ALMS1: variants seen among roughly 807,000 people sequenced by gnomAD.
ALMS1 encodes centrosome-associated protein ALMS1.
In ALMS1, 271 loss-of-function variants were observed where a neutral mutation model predicts 352.2. The ratio of observed to expected loss-of-function variants is 0.77; its 90% CI spans 0.70 to 0.85. ALMS1 has a LOEUF of 0.85. Ranked by LOEUF, ALMS1 falls within the 40% of genes least tolerant of loss-of-function variation. The pLI, the probability that ALMS1 is intolerant of heterozygous loss-of-function variation, is 0.00. For missense variants in ALMS1, 5,445 were observed against 4,870.7 expected (o/e 1.12, Z -3.51); for synonymous variants, 1,865 against 1,761.2 (o/e 1.06, Z -1.48).
Position 73,419,226 on chromosome 2 carries a change from C to CAA in ALMS1, c.555_556insAA (p.Asp186LysfsTer11). 1 of 1,613,928 alleles carries CAA rather than the reference C, an allele frequency of 6.2e-7. No homozygotes were observed. Among genetic ancestry groups the CAA allele is most frequent in the Non-Finnish European group, 8.5e-7 (1 of 1,179,834 alleles). ...GTGAGAACGGAAGATACTGAAGTGA[C>CAA]AGACTTCCCCTCTCTGGAGGAGGGC... On this transcript the variant is annotated frameshift_variant, in exon 3 of 23. Coordinates refer to ENST00000613296, the MANE Select transcript of ALMS1 (RefSeq NM_001378454.1). LOFTEE classifies it high-confidence loss of function.
chr2:73,409,428 T>G (rs1445117544), intron 2 of ALMS1, among the ~76,000 whole-genome samples: 3 of 152,152 alleles, frequency 2.0e-5, no homozygotes, highest in Non-Finnish European at 4.4e-5. Context: ...ACTCTTTATA[T>G]TCTTCACAAG....
At position 73,490,198 on chromosome 2, in the gene ALMS1, G is replaced by T. The variant is rs878855002; in HGVS notation, c.8239G>T (p.Val2747Leu). 1.2e-5 allele frequency: 19 copies of T among 1,614,008 alleles called. No individual in the cohort carries two copies. The highest frequency in any genetic ancestry group is 1.6e-5 in the Non-Finnish European group (19 of 1,180,010). Residue 2747 changes from valine to leucine, a missense_variant, in exon 10 of 23, where the codon GTG (valine) becomes TTG (leucine). Coordinates refer to ENST00000613296, the MANE Select transcript of ALMS1 (RefSeq NM_001378454.1). ...AGGTAGCCAGTGTACTGGAGCATCT[G>T]TGGGGGTATTTAATTCTCATTTCAC... Reference protein sequence around the residue: ...TEGSQCTGASVGVFNSHFTEE... With the variant: ...TEGSQCTGASLGVFNSHFTEE...
chr2:73,587,325 G>A (rs1426182770), intron 16 of ALMS1, among the ~76,000 whole-genome samples: 1 of 152,094 alleles, frequency 6.6e-6, no homozygotes, highest in Non-Finnish European at 1.5e-5. Flanking sequence ...TGAATAGCAG[G>A]GATGAAAGTG....
chr2:73,564,680 A>T (rs557488241), intron 15 of ALMS1, among the ~76,000 whole-genome samples: 1 of 152,164 alleles, frequency 6.6e-6, no homozygotes, highest in Admixed American at 6.5e-5. Context: ...TAAGTTGGGG[A>T]CATAACATGA....
intron 3 of ALMS1, among the ~76,000 whole-genome samples, chr2:73,421,297 A>G (rs1300562624): frequency 6.6e-6 from 1 of 152,144 alleles, no homozygotes; most frequent in Non-Finnish European, 1.5e-5. Context: ...TTTTTTGAGA[A>G]AAGACTGTCA....
intron 10 of ALMS1, among the ~76,000 whole-genome samples, chr2:73,502,394 C>A (rs1177167414): frequency 6.6e-6 from 1 of 152,048 alleles, no homozygotes; most frequent in Non-Finnish European, 1.5e-5. Flanking sequence ...GTTCTCATGC[C>A]TTTTATTTCT....
intron 15 of ALMS1, among the ~76,000 whole-genome samples, chr2:73,561,454 A>C (rs1674661449): frequency 6.6e-6 from 1 of 152,208 alleles, no homozygotes; most frequent in South Asian, 2.1e-4. Flanking sequence ...CTAATGCAGG[A>C]AAACTTATTT....
Position 73,450,581 on chromosome 2 carries a change from C to T in ALMS1, c.4054C>T (p.His1352Tyr), listed in dbSNP as rs1671912253. Residue 1352 changes from histidine to tyrosine, a missense_variant, in exon 8 of 23, where the codon CAT becomes TAT. Physicochemically the swap from His to Tyr is moderately conservative, Grantham distance 83. Transcript: ENST00000613296. The part of the protein sequence containing the change: ...VFYQQVLPHS[H>Y]PTEEALKISV... ...CTACCAACAGGTCTTGCCACATAGT[C>T]ATCCAACTGAAGAGGCTCTGAAAAT... is the stretch of plus-strand genomic sequence containing the variant. 1 of 1,612,378 alleles carries T rather than the reference C, an allele frequency of 6.2e-7. No individual in the cohort carries two copies. Among genetic ancestry groups the T allele is most frequent in the East Asian group, 2.2e-5 (1 of 44,848 alleles).
chr2:73,551,388 T>C (rs1674428116), intron 13 of ALMS1, among the ~76,000 whole-genome samples: 1 of 150,874 alleles, frequency 6.6e-6, no homozygotes, highest in Non-Finnish European at 1.5e-5. Context: ...ATCCACCTTA[T>C]CTGTCTGCTG....
At chr2:73,436,796 C>T (rs1345317093) in intron 7 of ALMS1, among the ~76,000 whole-genome samples, 1 of 152,182 alleles carries the variant, frequency 6.6e-6, no homozygotes, top group Non-Finnish European at 1.5e-5. Context: ...ATCTTTAATT[C>T]TTTAAGCATC....
chr2:73,556,633 CT>C (rs764932403), intron 13 of ALMS1, among the ~76,000 whole-genome samples: 6,218 of 101,354 alleles, frequency 0.061, 453 homozygotes, highest in African/African-American at 0.29. Flanking sequence ...CTGATCTTTC[CT>C]TTTTTTTTTT....
At chr2:73,474,788 T>G (rs990378250) in intron 9 of ALMS1, among the ~76,000 whole-genome samples, 1 of 152,114 alleles carries the variant, frequency 6.6e-6, no homozygotes, top group Admixed American at 6.6e-5. Flanking sequence ...CATAACATCT[T>G]TATCTCAGTA....
chr2:73,594,168 C>T (rs993311233), intron 16 of ALMS1, among the ~76,000 whole-genome samples: 1 of 152,168 alleles, frequency 6.6e-6, no homozygotes, highest in Non-Finnish European at 1.5e-5. Flanking sequence ...AAAATGACTG[C>T]ACCATTTTAC....
At position 73,601,672 on chromosome 2, in the gene ALMS1, G is replaced by A. The variant is rs184557723; in HGVS notation, c.12114+236G>A. On this transcript the variant is annotated intron_variant, in intron 19 of 22. Coordinates refer to ENST00000613296, the MANE Select transcript of ALMS1 (RefSeq NM_001378454.1). ...ACCGTCGGGATCTGGGGACAAGGCC[G>A]CAGGAGGGAGGATTTGCATCTCTGC... Among the ~76,000 whole-genome samples, 231 of 152,322 alleles carry A rather than the reference G, an allele frequency of 1.5e-3. 1 individual carries two copies. Among genetic ancestry groups the A allele is most frequent in the African/African-American group, 4.6e-3 (192 of 41,576 alleles).
At chr2:73,535,827 T>G (rs1674015433) in intron 12 of ALMS1, among the ~76,000 whole-genome samples, 1 of 152,174 alleles carries the variant, frequency 6.6e-6, no homozygotes, top group Non-Finnish European at 1.5e-5. Flanking sequence ...CTTGATTCAC[T>G]TTAGACAAAT....
At chr2:73,461,320 C>T (rs560924072) in intron 9 of ALMS1, among the ~76,000 whole-genome samples, 8 of 152,336 alleles carry the variant, frequency 5.3e-5, no homozygotes, top group African/African-American at 1.9e-4. Context: ...TGTGCAGCCA[C>T]CGCTGCTGAT....
intron 11 of ALMS1, among the ~76,000 whole-genome samples, chr2:73,524,633 A>G (rs1209346549): frequency 6.6e-6 from 1 of 152,008 alleles, no homozygotes; most frequent in Non-Finnish European, 1.5e-5. Context: ...TTGTATTTTT[A>G]GTAGAGAAAG....
At chr2:73,405,184 G>C (rs919342958) in intron 1 of ALMS1, among the ~76,000 whole-genome samples, 13 of 152,160 alleles carry the variant, frequency 8.5e-5, no homozygotes, top group Non-Finnish European at 1.6e-4. Context: ...AAAGTACTGG[G>C]ATTACAGGTG....
At chr2:73,410,948 C>T (rs1254533649) in intron 2 of ALMS1, among the ~76,000 whole-genome samples, 2 of 152,038 alleles carry the variant, frequency 1.3e-5, no homozygotes, top group Non-Finnish European at 2.9e-5. Flanking sequence ...TACACTATCA[C>T]TGAGGCAAAG....
Sources: gnomAD v4.1 joint callset for allele counts (sites outside exome capture counted in the v4.1 genomes callset) on GRCh38, gnomAD v4.1.1 for gene constraint, MANE v1.5 for transcripts, NCBI Gene and HGNC (gene_info 2026-07-23, HGNC 2026-07-21) for gene names.